Variants in C6orf163 observed in about 807,000 individuals in gnomAD.
C6orf163 encodes uncharacterized protein C6orf163.
In C6orf163, 22 loss-of-function variants were observed where a neutral mutation model predicts 28.4. That is an observed-to-expected ratio of 0.78 (90% CI 0.55 to 1.11). C6orf163 has a LOEUF of 1.11. Ranked by LOEUF, C6orf163 falls within the 50% of genes least tolerant of loss-of-function variation. The probability of loss-of-function intolerance (pLI) is 0.00; values close to 1 mark genes in which losing one functional copy is unlikely to be tolerated. For missense variants in C6orf163, 342 were observed against 389.1 expected (o/e 0.88, Z 1.02); for synonymous variants, 110 against 123.6 (o/e 0.89, Z 0.73).
In C6orf163 at chr6:87,356,465, A is replaced by C. The variant is rs1388358512; in HGVS notation, c.516A>C (p.Glu172Asp). ...VEAVEKARAE[E>D]RHIAQEAIQA... is the part of the protein sequence containing the mutation. ...CTGTGGAGAAAGCCAGGGCTGAAGA[A>C]AGACACATCGCCCAGGAAGCAATCC... Residue 172 changes from glutamate to aspartate, a missense_variant, in exon 4 of 5, where the codon GAA becomes GAC. Glu to Asp is a conservative substitution (Grantham distance 45, BLOSUM62 2). Transcript: ENST00000388923. 6.4e-7 allele frequency: 1 copy of C among 1,551,782 alleles called. No homozygotes were observed. Among genetic ancestry groups the C allele is most frequent in the South Asian group, 1.2e-5 (1 of 84,066 alleles).
chr6:87,344,946 A>T lies in C6orf163; in HGVS notation c.-154A>T. 1 of 603,376 alleles carries T rather than the reference A, an allele frequency of 1.7e-6. No homozygotes were observed. Among genetic ancestry groups the T allele is most frequent in the Non-Finnish European group, 2.8e-6 (1 of 352,810 alleles). 37.4% of individuals were successfully genotyped at this position (603,376 alleles called of 1,614,324 possible). ...TTAGACACATAACCACAGCCTAATC[A>T]CTTGAACCATTTAATCCTTACCAGC... is the stretch of plus-strand genomic sequence containing the variant. On this transcript the variant is annotated 5_prime_UTR_variant, in exon 1 of 5. Coordinates refer to ENST00000388923, the MANE Select transcript of C6orf163 (RefSeq NM_001010868.3).
chr6:87,355,113 A>G (rs1777479477), intron 3 of C6orf163, among the ~76,000 whole-genome samples: 1 of 152,252 alleles, frequency 6.6e-6, no homozygotes, highest in Admixed American at 6.5e-5. Context: ...CAATTGATGA[A>G]TCTCTTGAAA....
At chr6:87,359,993 G>T (rs768481479) in intron 4 of C6orf163, among the ~76,000 whole-genome samples, 1 of 152,110 alleles carries the variant, frequency 6.6e-6, no homozygotes, top group Admixed American at 6.6e-5. Flanking sequence ...GCCAGTCATC[G>T]GTGAGCCTCC....
chr6:87,348,845 A>G lies in C6orf163; in HGVS notation c.182A>G (p.Gln61Arg). ...IGANILKKEE[Q>R]FQEDILREHI... ...GCAAATATTCTGAAAAAAGAAGAGC[A>G]GTTTCAAGAAGATATACTCAGAGAA... Residue 61 changes from glutamine (Q) to arginine (R), a missense_variant, in exon 2 of 5, where the codon CAG becomes CGG. Coordinates refer to ENST00000388923, the MANE Select transcript of C6orf163 (RefSeq NM_001010868.3). The G allele has an allele frequency of 6.5e-7, 1 of 1,537,658 alleles. No homozygotes were observed. The highest frequency in any genetic ancestry group is 8.7e-7 in the Non-Finnish European group (1 of 1,146,958).
At chr6:87,361,832 AT>A (rs994531814) in intron 4 of C6orf163, among the ~76,000 whole-genome samples, 17 of 151,916 alleles carry the variant, frequency 1.1e-4, no homozygotes, top group African/African-American at 4.1e-4. Flanking sequence ...ACTTTTTAAT[AT>A]TTCCTAGGCT....
Position 87,358,618 on chromosome 6 carries a change from A to AT in C6orf163, c.554+2115_554+2116insT, listed in dbSNP as rs1554218111. 804 of 151,002 alleles carry AT rather than the reference A, an allele frequency of 5.3e-3. 10 individuals carry two copies. The highest frequency in any genetic ancestry group is 0.017 in the African/African-American group (681 of 41,224). The allele number at this position is 151,002 out of a possible 1,614,324, so 9.4% of individuals were successfully genotyped here. ...CGAGACTTGTCTCAAAAAAAAAAAA[A>AT]ATCTGTTTGTAAAGGTTCTAATTGT... On this transcript the variant is annotated intron_variant, in intron 4 of 4. Transcript: ENST00000388923.
At chr6:87,356,567 G>T in intron 4 of C6orf163, 64 bp downstream of exon 4, 1 of 1,473,178 alleles carries the variant, frequency 6.8e-7, no homozygotes. Context: ...TGGAGAAACA[G>T]ATAAGGTTAC....
rs912665921 is a variant in C6orf163 at position 87,361,288 on chromosome 6, C to CA, written c.555-3663dup. 4.9e-4 allele frequency among the ~76,000 whole-genome samples: 70 copies of CA among 143,690 alleles called. 1 individual carries two copies. Among genetic ancestry groups the CA allele is most frequent in the East Asian group, 2.4e-3 (12 of 5,004 alleles). The allele number at this position is 143,690 out of a possible 152,430, so 94.3% of individuals were successfully genotyped here. A position where few individuals can be genotyped will look rare whatever the true frequency, so the allele number is the denominator to read the frequency against. On this transcript the variant is annotated intron_variant, in intron 4 of 4. Coordinates refer to ENST00000388923, the MANE Select transcript of C6orf163 (RefSeq NM_001010868.3). ...AACAGAGTGGGACCCTGTTTAAAAC[C>CA]AAAAAAAAAAGAAGAAAGAAAAGTT...
intron 4 of C6orf163, chr6:87,357,976 C>T (rs1212465020): frequency 1.3e-5 from 2 of 152,212 alleles, no homozygotes; most frequent in Non-Finnish European, 2.9e-5. Context: ...AAGTCTGGCA[C>T]ATGGTAGGCA....
At chr6:87,346,112 C>T (rs2127929160) in intron 1 of C6orf163, among the ~76,000 whole-genome samples, 1 of 151,942 alleles carries the variant, frequency 6.6e-6, no homozygotes, top group East Asian at 1.9e-4. Flanking sequence ...CTTTTATCCC[C>T]GTAAGAGTTT....
chr6:87,362,934 T>C (rs921599132), intron 4 of C6orf163, among the ~76,000 whole-genome samples: 3 of 152,208 alleles, frequency 2.0e-5, no homozygotes, highest in Non-Finnish European at 2.9e-5. Flanking sequence ...ACTGGAAATG[T>C]ATCACAGTGG....
At chr6:87,357,965 A>G (rs2127934189) in intron 4 of C6orf163, 1 of 152,368 alleles carries the variant, frequency 6.6e-6, no homozygotes, top group East Asian at 1.9e-4. Context: ...TGCCTGGAAG[A>G]AAGTCTGGCA....
At chr6:87,354,079 G>A (rs1777460656) in intron 3 of C6orf163, among the ~76,000 whole-genome samples, 2 of 152,080 alleles carry the variant, frequency 1.3e-5, no homozygotes, top group African/African-American at 2.4e-5. Flanking sequence ...GGCTGGTCTC[G>A]AACTCCTGGC....
intron 4 of C6orf163, among the ~76,000 whole-genome samples, chr6:87,362,107 G>A (rs242287): frequency 0.43 from 64,836 of 152,008 alleles, 14,235 homozygotes; most frequent in Non-Finnish European, 0.48. Context: ...GTGCTCAGTT[G>A]TGTGACATTG....
intron 4 of C6orf163, chr6:87,357,202 C>T (rs1270019859): frequency 6.6e-6 from 1 of 152,046 alleles, no homozygotes; most frequent in East Asian, 1.9e-4. Flanking sequence ...TTTAAGAAAA[C>T]CACGGTAACT....
At position 87,344,912 on chromosome 6, in the gene C6orf163, T is replaced by C; in HGVS notation, c.-188T>C. On this transcript the variant is annotated 5_prime_UTR_variant, in exon 1 of 5. Transcript: ENST00000388923. The stretch of plus-strand genomic sequence containing the variant: ...CTATGGCAGGGGCTTTTAGCACCAT[T>C]CTTTAACGTTAGACACATAACCACA... 2.2e-6 allele frequency: 1 copy of C among 454,610 alleles called. No homozygotes were observed. Among genetic ancestry groups the C allele is most frequent in the South Asian group, 4.1e-5 (1 of 24,226 alleles). 28.2% of individuals were successfully genotyped at this position (454,610 alleles called of 1,614,324 possible).
intron 1 of C6orf163, chr6:87,347,894 G>A (rs1277078914): frequency 8.1e-6 from 8 of 984,158 alleles, no homozygotes; most frequent in African/African-American, 7.0e-5. Context: ...GGTGGCTCAC[G>A]CCTGTAATCC....
intron 1 of C6orf163, among the ~76,000 whole-genome samples, chr6:87,345,574 G>GCCAT (rs1194316656): frequency 1.3e-5 from 2 of 152,000 alleles, no homozygotes; most frequent in African/African-American, 4.8e-5. Flanking sequence ...TTTGCCCTTG[G>GCCAT]CCATACTTGA....
chr6:87,349,597 G>A (rs539052939), intron 2 of C6orf163, among the ~76,000 whole-genome samples: 1 of 152,320 alleles, frequency 6.6e-6, no homozygotes, highest in Non-Finnish European at 1.5e-5. Flanking sequence ...CTTGAGAGCA[G>A]AACCACAGTG....
Sources: allele counts gnomAD v4.1 joint callset (sites outside exome capture counted in the v4.1 genomes callset), GRCh38; gene constraint gnomAD v4.1.1; transcripts MANE v1.5; gene names NCBI Gene and HGNC (gene_info 2026-07-23, HGNC 2026-07-21).